The following DENND2B variants were observed in gnomAD, a reference collection of about 807,000 sequenced individuals.
DENND2B encodes the protein DENN domain containing 2B.
In DENND2B, 32 loss-of-function variants were observed where a neutral mutation model predicts 116.0. The observed-to-expected ratio is 0.28, with a 90% CI of 0.21 to 0.37. The LOEUF is 0.37. Ranked by LOEUF, DENND2B falls within the 10% of genes least tolerant of loss-of-function variation. The pLI is 1.00. For missense variants in DENND2B, 1,276 were observed against 1,477.7 expected, an observed-to-expected ratio of 0.86 and a Z score of 2.24; for synonymous variants, 588 against 583.9, an observed-to-expected ratio of 1.01 and a Z score of -0.10.
intron 3 of DENND2B, chr11:8,857,312 T>A (rs1282892654): frequency 6.6e-6 from 1 of 152,154 alleles, no homozygotes; most frequent in East Asian, 1.9e-4. Flanking sequence ...CAGAAATAAC[T>A]AAAATGATAC....
At chr11:8,893,335 C>A (rs538118642) in intron 1 of DENND2B, among the ~76,000 whole-genome samples, 17 of 152,274 alleles carry the variant, frequency 1.1e-4, no homozygotes, top group African/African-American at 3.6e-4. Flanking sequence ...TGAAAACCGG[C>A]ACAAGACAGG....
rs1159743578 is a variant in DENND2B, at chr11:8,799,663, C to CA, written c.-26+10853dup. Among the ~76,000 whole-genome samples the CA allele has an allele frequency of 2.7e-5, 4 of 148,526 alleles. No individual in the cohort carries two copies. The East Asian group carries it at 6.1e-4, about 23-fold the overall frequency. Reference sequence around the variant, plus strand: ...GTGTGATCATTGCGCAGGACAGCCTCAAACTCATGGGCTCAAGCAGTCCTC... The same window carrying CA: ...GTGTGATCATTGCGCAGGACAGCCTCAAAACTCATGGGCTCAAGCAGTCCTC... On this transcript the variant is annotated intron_variant, in intron 1 of 19. Coordinates refer to ENST00000313726, the MANE Select transcript of DENND2B (RefSeq NM_213618.2).
chr11:8,710,487 C>T (rs556087453), intron 11 of DENND2B, among the ~76,000 whole-genome samples: 2 of 152,006 alleles, frequency 1.3e-5, no homozygotes, highest in South Asian at 2.1e-4. Context: ...GGGGGCGATT[C>T]GATCCTGCAA....
At chr11:8,791,915 G>A (rs185188541) in intron 1 of DENND2B, among the ~76,000 whole-genome samples, 103 of 152,144 alleles carry the variant, frequency 6.8e-4, no homozygotes, top group African/African-American at 2.4e-3. Flanking sequence ...TCAACAAAAT[G>A]TAATTCCTGC....
At chr11:8,822,540 G>A (rs4290228) in intron 4 of DENND2B, among the ~76,000 whole-genome samples, 140,967 of 152,292 alleles carry the variant, frequency 0.93, 66,204 homozygotes, top group East Asian at 1. Flanking sequence ...CTTTGACCTC[G>A]GACTCACGGA....
chr11:8,732,170 C>T (rs6484007), intron 2 of DENND2B, among the ~76,000 whole-genome samples: 36,609 of 152,170 alleles, frequency 0.24, 4,710 homozygotes, highest in South Asian at 0.34. Context: ...GGCATCACAT[C>T]CAATAATTGG....
intron 4 of DENND2B, chr11:8,831,005 C>T (rs1484571346): frequency 6.6e-6 from 1 of 152,294 alleles, no homozygotes; most frequent in Non-Finnish European, 1.5e-5. Flanking sequence ...TAAGCCCCAT[C>T]TGTTCTCAAG....
At chr11:8,867,665 A>G (rs573424856) in intron 2 of DENND2B, among the ~76,000 whole-genome samples, 11 of 145,386 alleles carry the variant, frequency 7.6e-5, no homozygotes, top group African/African-American at 2.8e-4. Flanking sequence ...TGCAGCCTCA[A>G]CCTCCTGGGC....
chr11:8,719,017 C>T lies in DENND2B; in HGVS notation c.1478-1125G>A, dbSNP rs138100770. The T allele has an allele frequency of 1.0e-3, 1,010 of 986,154 alleles. 8 individuals carry two copies. In the African/African-American group the frequency reaches 0.016, roughly 16 times the overall value. The allele number at this position is 986,154 out of a possible 1,614,324, so 61.1% of individuals were successfully genotyped here. ...TCCTGCTGCAGAGCAGGACTCACTC[C>T]AGCACCTCTGCTCAGCAGCAGGATT... On this transcript the variant is annotated intron_variant, in intron 4 of 19. Coordinates refer to ENST00000313726, the MANE Select transcript of DENND2B (RefSeq NM_213618.2).
intron 1 of DENND2B, among the ~76,000 whole-genome samples, chr11:8,801,399 T>G (rs2060297162): frequency 6.6e-6 from 1 of 152,034 alleles, no homozygotes; most frequent in Non-Finnish European, 1.5e-5. Flanking sequence ...CACAGCTGCC[T>G]GGCGTGGTGG....
chr11:8,805,583 C>T (rs915136228), intron 1 of DENND2B, among the ~76,000 whole-genome samples: 8 of 152,150 alleles, frequency 5.3e-5, no homozygotes, highest in Non-Finnish European at 8.8e-5. Context: ...CTTCAGTTGG[C>T]TCTCTTCCTT....
intron 1 of DENND2B, among the ~76,000 whole-genome samples, chr11:8,779,373 T>C (rs902079348): frequency 6.6e-5 from 10 of 152,192 alleles, no homozygotes; most frequent in Admixed American, 2.0e-4. Context: ...CTAGCAGGTA[T>C]GGAGGAAGGA....
chr11:8,733,466 A>T (rs2048445607), intron 2 of DENND2B, among the ~76,000 whole-genome samples: 1 of 152,254 alleles, frequency 6.6e-6, no homozygotes, highest in South Asian at 2.1e-4. Flanking sequence ...TAGGTGCTAG[A>T]TACAAGAATA....
At chr11:8,858,054 T>C (rs543406059) in intron 2 of DENND2B, among the ~76,000 whole-genome samples, 34 of 152,284 alleles carry the variant, frequency 2.2e-4, no homozygotes, top group Non-Finnish European at 4.6e-4. Context: ...TTCTGAGCAT[T>C]TTCTTGGCCA....
exon 3 of DENND2B, chr11:8,857,359 GCCT>G (rs977214621): frequency 6.6e-6 from 1 of 152,100 alleles, no homozygotes; most frequent in African/African-American, 2.4e-5. Context: ...TGTTACAAGG[GCCT>G]CCTAACTCCT....
At chr11:8,791,950 AT>A in intron 1 of DENND2B, among the ~76,000 whole-genome samples, 1 of 151,800 alleles carries the variant, frequency 6.6e-6, no homozygotes, top group Non-Finnish European at 1.5e-5. Context: ...CATGCCTGTA[AT>A]CCCAGCACTT....
At chr11:8,901,701 T>C (rs916502876) in intron 1 of DENND2B, among the ~76,000 whole-genome samples, 1 of 152,192 alleles carries the variant, frequency 6.6e-6, no homozygotes, top group Non-Finnish European at 1.5e-5. Context: ...TAGTTTCCCT[T>C]GTGATTTAGT....
chr11:8,726,398 T>G, intron 3 of DENND2B, 189 bp from the exon 4 acceptor site: 1 of 655,880 alleles, frequency 1.5e-6, no homozygotes, highest in Non-Finnish European at 2.5e-6. Flanking sequence ...CCAGCCTGGG[T>G]GCCTGCAATG....
intron 4 of DENND2B, among the ~76,000 whole-genome samples, chr11:8,821,738 T>C (rs899050172): frequency 6.6e-6 from 1 of 152,224 alleles, no homozygotes; most frequent in African/African-American, 2.4e-5. Flanking sequence ...TAGCAATTTT[T>C]TTCCTTTTTA....
Sources: gnomAD v4.1 joint callset for allele counts (sites outside exome capture counted in the v4.1 genomes callset) on GRCh38, gnomAD v4.1.1 for gene constraint, MANE v1.5 for transcripts, NCBI Gene and HGNC (gene_info 2026-07-23, HGNC 2026-07-21) for gene names.